The following KIF26B variants were observed in gnomAD, a reference collection of about 807,000 sequenced individuals.
The protein encoded by KIF26B is kinesin-like protein KIF26B.
A neutral mutation model predicts 151.2 loss-of-function variants in KIF26B; 63 were observed. The observed-to-expected ratio is 0.42, with a 90% CI of 0.34 to 0.51. The LOEUF (loss-of-function observed/expected upper bound fraction) is 0.51, where lower values mean the gene tolerates loss of function less well. KIF26B is among the 20% of genes least tolerant of loss of function. The pLI is 0.07. For synonymous variants in KIF26B, 1,357 were observed against 1,262.1 expected (o/e 1.08, Z -1.59); for missense variants, 2,813 against 2,913.6 (o/e 0.97, Z 0.79).
rs537179077 is a variant in KIF26B at position 245,678,565 on chromosome 1, T to TA, written c.2259-5660dup. Among the ~76,000 whole-genome samples the TA allele has an allele frequency of 6.6e-4, 100 of 151,724 alleles. No individual in the cohort carries two copies. The South Asian group carries it at 0.012, about 19-fold the overall frequency. ...CTTAAATTCAACCAAGGTATTACTGTAAAAAAAAGCAAGACAGGCCTGGCA... is the reference window on the plus strand; with the variant it reads ...CTTAAATTCAACCAAGGTATTACTGTAAAAAAAAAGCAAGACAGGCCTGGCA... On this transcript the variant is annotated intron_variant, in intron 10 of 14. Transcript: ENST00000407071.
intron 5 of KIF26B, among the ~76,000 whole-genome samples, chr1:245,542,936 T>C (rs1380530333): frequency 1.3e-5 from 2 of 152,110 alleles, no homozygotes; most frequent in African/African-American, 4.8e-5. Context: ...TCTGAATAAG[T>C]GTGAGCAAAT....
chr1:245,657,696 C>A (rs1180125278), intron 10 of KIF26B, among the ~76,000 whole-genome samples: 1 of 152,176 alleles, frequency 6.6e-6, no homozygotes, highest in Non-Finnish European at 1.5e-5. Context: ...GATGCCGATT[C>A]TTCTGCTTCC....
intron 2 of KIF26B, among the ~76,000 whole-genome samples, chr1:245,337,339 T>A (rs1417748502): frequency 2.0e-5 from 3 of 151,710 alleles, no homozygotes; most frequent in Non-Finnish European, 4.4e-5. Context: ...ACCTGGCTAA[T>A]TTTTGTATTT....
chr1:245,704,818 G>A lies in KIF26B; in HGVS notation c.*2212G>A, dbSNP rs909409411. 1 of 152,220 alleles carries A rather than the reference G, an allele frequency of 6.6e-6. No individual in the cohort carries two copies. Among genetic ancestry groups the A allele is most frequent in the Admixed American group, 6.5e-5 (1 of 15,282 alleles). The allele number at this position is 152,220 out of a possible 1,614,324, so 9.4% of individuals were successfully genotyped here. A position where few individuals can be genotyped will look rare whatever the true frequency, so the allele number is the denominator to read the frequency against. On this transcript the variant is annotated 3_prime_UTR_variant, in exon 15 of 15. Coordinates refer to ENST00000407071, the MANE Select transcript of KIF26B (RefSeq NM_018012.4). ...AAAGGGAAGCCAATCCTTCGAGTTTGCCATTGGGCTGCTGGTTGCTGGTTT... is the reference window on the plus strand; with the variant it reads ...AAAGGGAAGCCAATCCTTCGAGTTTACCATTGGGCTGCTGGTTGCTGGTTT...
At chr1:245,303,428 G>A (rs370813737) in intron 2 of KIF26B, among the ~76,000 whole-genome samples, 32 of 150,654 alleles carry the variant, frequency 2.1e-4, no homozygotes, top group African/African-American at 8.0e-4. Flanking sequence ...TCGATCTCCT[G>A]ACCTCGTGAT....
intron 3 of KIF26B, among the ~76,000 whole-genome samples, chr1:245,382,246 A>G (rs1033356052): frequency 6.6e-6 from 1 of 152,106 alleles, no homozygotes; most frequent in African/African-American, 2.4e-5. Flanking sequence ...TCTTCACAGT[A>G]GCCATCCTAA....
intron 4 of KIF26B, among the ~76,000 whole-genome samples, chr1:245,477,700 G>C (rs1360702017): frequency 6.6e-6 from 1 of 151,694 alleles, no homozygotes; most frequent in Non-Finnish European, 1.5e-5. Flanking sequence ...TTTGAAGGGA[G>C]AGCGGGCCTG....
At chr1:245,629,376 A>G (rs937551625) in intron 9 of KIF26B, among the ~76,000 whole-genome samples, 1 of 152,198 alleles carries the variant, frequency 6.6e-6, no homozygotes, top group Non-Finnish European at 1.5e-5. Context: ...CCAAAACAAC[A>G]TGGTACTGGT....
chr1:245,197,466 A>T (rs1000363813), intron 2 of KIF26B, among the ~76,000 whole-genome samples: 6 of 152,124 alleles, frequency 3.9e-5, no homozygotes, highest in Non-Finnish European at 1.5e-5. Flanking sequence ...TTTTAATTCA[A>T]TATAATTATA....
intron 2 of KIF26B, among the ~76,000 whole-genome samples, chr1:245,317,228 G>T (rs1000195756): frequency 2.6e-5 from 4 of 152,184 alleles, no homozygotes; most frequent in Non-Finnish European, 4.4e-5. Flanking sequence ...TTGCGCTAAG[G>T]TCCCTTCTTA....
chr1:245,431,686 C>T (rs893238494), intron 4 of KIF26B, among the ~76,000 whole-genome samples: 1 of 152,080 alleles, frequency 6.6e-6, no homozygotes. Context: ...ACCATATTGG[C>T]CAGGCTGGTC....
rs115419011 is a variant in KIF26B at position 245,307,419 on chromosome 1, T to C, written c.466-59415T>C. Among the ~76,000 whole-genome samples the C allele has an allele frequency of 1.4e-3, 220 of 152,222 alleles. 1 individual carries two copies. The highest frequency in any genetic ancestry group is 5.1e-3 in the African/African-American group (212 of 41,520). ...AATGGGCCCCAGAGATTTTTTTTTG[T>C]CTTGGGTGATAAGCCCCTAATATCT... is the stretch of plus-strand genomic sequence containing the variant. On this transcript the variant is annotated intron_variant, in intron 2 of 14. Coordinates refer to ENST00000407071, the MANE Select transcript of KIF26B (RefSeq NM_018012.4).
intron 9 of KIF26B, among the ~76,000 whole-genome samples, chr1:245,639,049 G>C (rs760744743): frequency 4.6e-5 from 7 of 151,806 alleles, no homozygotes; most frequent in Non-Finnish European, 1.0e-4. Context: ...AGTAGAATTG[G>C]TATTAGTTAT....
chr1:245,175,973 C>T (rs150495339), intron 2 of KIF26B, among the ~76,000 whole-genome samples: 1,353 of 131,620 alleles, frequency 0.01, 21 homozygotes, highest in African/African-American at 0.034. Context: ...TATATATAGA[C>T]ATCTATATAT....
rs1021030298 is a variant in KIF26B, at chr1:245,284,855, A to G, written c.466-81979A>G. On this transcript the variant is annotated intron_variant, in intron 2 of 14. Transcript: ENST00000407071. ...GGAGTTCAAGACCAGCCTGACCAAT[A>G]TGGAGAAAACCCCGTCTCTAATAAA... Among the ~76,000 whole-genome samples the G allele has an allele frequency of 3.3e-5, 5 of 152,074 alleles. No individual in the cohort carries two copies. In the East Asian group the frequency reaches 7.7e-4, roughly 24 times the overall value.
At position 245,572,130 on chromosome 1, in the gene KIF26B, G is replaced by T. The variant is rs1361735155; in HGVS notation, c.1351-30447G>T. Among the ~76,000 whole-genome samples, 2 of 152,138 alleles carry T rather than the reference G, an allele frequency of 1.3e-5. No individual in the cohort carries two copies. The highest frequency in any genetic ancestry group is 4.1e-4 in the South Asian group (2 of 4,824). ...GCTTTGCAAAGGCTACAAGACCAAGGGCTTGTGTACCTGCCCCAACAGAGA... is the reference window on the plus strand; with the variant it reads ...GCTTTGCAAAGGCTACAAGACCAAGTGCTTGTGTACCTGCCCCAACAGAGA... On this transcript the variant is annotated intron_variant, in intron 5 of 14. Coordinates refer to ENST00000407071, the MANE Select transcript of KIF26B (RefSeq NM_018012.4). The surrounding 1 kb of genome is among the most constrained non-coding windows in gnomAD (Gnocchi z 4.2).
At chr1:245,212,787 C>T (rs1053148398) in intron 2 of KIF26B, among the ~76,000 whole-genome samples, 2 of 152,360 alleles carry the variant, frequency 1.3e-5, no homozygotes, top group African/African-American at 4.8e-5. Flanking sequence ...TGTTCCTCAC[C>T]GGTCACTCTT....
chr1:245,605,726 G>A (rs372846168), intron 6 of KIF26B, among the ~76,000 whole-genome samples: 13 of 152,166 alleles, frequency 8.5e-5, no homozygotes, highest in East Asian at 3.9e-4. Context: ...AGGGGCCTCC[G>A]GGGCCCCTGC....
intron 2 of KIF26B, among the ~76,000 whole-genome samples, chr1:245,308,397 G>A (rs1671598076): frequency 6.6e-6 from 1 of 152,198 alleles, no homozygotes; most frequent in South Asian, 2.1e-4. Flanking sequence ...GTGCTAGGTA[G>A]TGGAGAGAGG....
Sources: allele counts gnomAD v4.1 joint callset (sites outside exome capture counted in the v4.1 genomes callset), GRCh38; gene constraint gnomAD v4.1.1; non-coding constraint Gnocchi (gnomAD v3.1); transcripts MANE v1.5; gene names NCBI Gene and HGNC (gene_info 2026-07-23, HGNC 2026-07-21).